PCDHGA4: variants seen among roughly 807,000 people sequenced by gnomAD.
PCDHGA4 encodes protocadherin gamma-A4.
PCDHGA4 carries 38 observed loss-of-function variants against 54.6 expected under a neutral mutation model. That is an observed-to-expected ratio of 0.70 (90% CI 0.54 to 0.91). The LOEUF is 0.91. Among genes scored for constraint, PCDHGA4 ranks in the 40% least tolerant of loss-of-function variants. The pLI, the probability that PCDHGA4 is intolerant of heterozygous loss-of-function variation, is 0.00. For synonymous variants in PCDHGA4, 511 were observed against 512.9 expected, an observed-to-expected ratio of 1.00 and a Z score of 0.05; for missense variants, 1,298 against 1,220.9, an observed-to-expected ratio of 1.06 and a Z score of -0.94.
chr5:141,504,242 GTTC>G (rs903218038), intron 2 of PCDHGA4, among the ~76,000 whole-genome samples: 25 of 152,170 alleles, frequency 1.6e-4, no homozygotes, highest in African/African-American at 5.1e-4. Context: ...GAAGCAGAGA[GTTC>G]TTCTTATGGT....
At chr5:141,400,036 C>G (rs1232257433) in intron 1 of PCDHGA4, 28 of 1,613,256 alleles carry the variant, frequency 1.7e-5, no homozygotes, top group Non-Finnish European at 2.4e-5. Context: ...GGCCCGCCAG[C>G]GCCTGCTGGT....
rs778246278 is a variant in PCDHGA4 at position 141,491,522 on chromosome 5, A to C, written c.2515-3285A>C. The C allele has an allele frequency of 6.2e-6, 10 of 1,614,024 alleles. No individual in the cohort carries two copies. The highest frequency in any genetic ancestry group is 8.5e-6 in the Non-Finnish European group (10 of 1,180,002). ...TCGGACGGCACGCTCAAGTACATGGAGGTGACGCTGCGGCCCACAGACTCG... is the reference window on the plus strand; with the variant it reads ...TCGGACGGCACGCTCAAGTACATGGCGGTGACGCTGCGGCCCACAGACTCG... On this transcript the variant is annotated intron_variant, in intron 1 of 3. Coordinates refer to ENST00000571252, the MANE Select transcript of PCDHGA4 (RefSeq NM_018917.4). The surrounding 1 kb of genome is among the most constrained non-coding windows in gnomAD (Gnocchi z 6.9).
At chr5:141,364,036 G>A (rs868127549) in intron 1 of PCDHGA4, among the ~76,000 whole-genome samples, 16 of 152,152 alleles carry the variant, frequency 1.1e-4, no homozygotes, top group African/African-American at 2.9e-4. Context: ...TAAGGATATG[G>A]CAACATTATT....
intron 1 of PCDHGA4, among the ~76,000 whole-genome samples, chr5:141,373,593 T>G (rs1769715791): frequency 6.6e-6 from 1 of 152,258 alleles, no homozygotes; most frequent in African/African-American, 2.4e-5. Flanking sequence ...TGAAATGTGA[T>G]GATAATTCAA....
chr5:141,497,540 CTTT>C (rs754207034), intron 2 of PCDHGA4, among the ~76,000 whole-genome samples: 11 of 134,886 alleles, frequency 8.2e-5, no homozygotes, highest in African/African-American at 1.9e-4. Context: ...TGCAACAAAC[CTTT>C]TTTTTTTTTT....
In PCDHGA4 at chr5:141,489,203, C is replaced by A; in HGVS notation, c.2515-5604C>A. On this transcript the variant is annotated intron_variant, in intron 1 of 3. Transcript: ENST00000571252. The surrounding 1 kb of genome is among the most constrained non-coding windows in gnomAD (Gnocchi z 4.5). ...CCCTGGGTCTACCTTGGAGACAGGA[C>A]AGCACAGACTTACTCTCCACAAAGG... is the stretch of plus-strand genomic sequence containing the variant. 7.1e-7 allele frequency: 1 copy of A among 1,414,834 alleles called. No individual in the cohort carries two copies. Among genetic ancestry groups the A allele is most frequent in the Non-Finnish European group, 9.6e-7 (1 of 1,040,052 alleles). The allele number at this position is 1,414,834 out of a possible 1,614,324, so 87.6% of individuals were successfully genotyped here.
At chr5:141,436,829 G>C (rs1194891483) in intron 1 of PCDHGA4, among the ~76,000 whole-genome samples, 3 of 152,214 alleles carry the variant, frequency 2.0e-5, no homozygotes, top group African/African-American at 7.2e-5. Flanking sequence ...AAAATCTTAA[G>C]TGCCTAGGCA....
intron 1 of PCDHGA4, among the ~76,000 whole-genome samples, chr5:141,381,395 C>T (rs1588899901): frequency 6.6e-6 from 1 of 152,328 alleles, no homozygotes; most frequent in South Asian, 2.1e-4. Flanking sequence ...TAGTTTTACT[C>T]TATCAACATC....
At chr5:141,362,729 T>G in intron 1 of PCDHGA4, 1 of 807,602 alleles carries the variant, frequency 1.2e-6, no homozygotes, top group Non-Finnish European at 1.9e-6. Context: ...AAGTGTGAGA[T>G]TTATTTACCC....
At position 141,433,290 on chromosome 5, in the gene PCDHGA4, C is replaced by T. The variant is rs186668064; in HGVS notation, c.2515-61517C>T. ...CTCACTGCAGCCTCAAACTCCTAGG[C>T]TCAAGCAATTATCCCACCTTTGCCT... On this transcript the variant is annotated intron_variant, in intron 1 of 3. Transcript: ENST00000571252. The T allele has an allele frequency of 1.6e-3, 1,738 of 1,107,746 alleles. 60 individuals carry two copies. In the Admixed American group the frequency reaches 0.041, roughly 26 times the overall value. 68.6% of individuals were successfully genotyped at this position (1,107,746 alleles called of 1,614,324 possible). A position where few individuals can be genotyped will look rare whatever the true frequency, so the allele number is the denominator to read the frequency against.
chr5:141,488,572 T>C (rs888054788), intron 1 of PCDHGA4, among the ~76,000 whole-genome samples: 28 of 152,212 alleles, frequency 1.8e-4, no homozygotes, highest in African/African-American at 6.8e-4. Flanking sequence ...CCGCAAAGCA[T>C]TGCTGGAGAG....
chr5:141,508,800 C>A (rs973992018), intron 3 of PCDHGA4, among the ~76,000 whole-genome samples: 1 of 152,086 alleles, frequency 6.6e-6, no homozygotes, highest in African/African-American at 2.4e-5. Context: ...CTCTGGAATC[C>A]TGGCTCTTTG....
chr5:141,388,458 C>T, intron 1 of PCDHGA4: 1 of 1,613,696 alleles, frequency 6.2e-7, no homozygotes, highest in Non-Finnish European at 8.5e-7. Context: ...CAGTAAATAC[C>T]CTGAGATGGT....
chr5:141,404,167 G>C, intron 1 of PCDHGA4: 1 of 1,612,946 alleles, frequency 6.2e-7, no homozygotes, highest in South Asian at 1.1e-5. Context: ...ACAGATTGTT[G>C]ACGGCCCAAA....
chr5:141,492,005 C>T (rs1444993907), intron 1 of PCDHGA4: 2 of 642,268 alleles, frequency 3.1e-6, no homozygotes, highest in Admixed American at 7.4e-5. Flanking sequence ...GGGCGATTTC[C>T]GCGGGTGTCG....
chr5:141,377,400 G>A (rs1463331041), intron 1 of PCDHGA4: 1 of 152,108 alleles, frequency 6.6e-6, no homozygotes, highest in Non-Finnish European at 1.5e-5. Context: ...GAGACCAGGA[G>A]TTTGAGACCA....
At chr5:141,510,155 C>G (rs1044168112) in intron 3 of PCDHGA4, among the ~76,000 whole-genome samples, 2 of 151,942 alleles carry the variant, frequency 1.3e-5, no homozygotes, top group African/African-American at 4.8e-5. Context: ...CACCTGTAAT[C>G]TCAGCTACTC....
At chr5:141,388,365 G>A (rs2091332064) in intron 1 of PCDHGA4, 1 of 1,614,002 alleles carries the variant, frequency 6.2e-7, no homozygotes, top group East Asian at 2.2e-5. Flanking sequence ...CCATGATGCG[G>A]ATATTGGTAG....
chr5:141,432,589 G>T lies in PCDHGA4; in HGVS notation c.2515-62218G>T. ...CCTGGCTGTCCTACCGTCTGCTCAA[G>T]GCCAGCGAGCCGGGACTCTTCTCGG... On this transcript the variant is annotated intron_variant, in intron 1 of 3. Transcript: ENST00000571252. The surrounding 1 kb of genome is among the most constrained non-coding windows in gnomAD (Gnocchi z 6.0). 1 of 1,613,916 alleles carries T rather than the reference G, an allele frequency of 6.2e-7. No individual in the cohort carries two copies. Among genetic ancestry groups the T allele is most frequent in the Non-Finnish European group, 8.5e-7 (1 of 1,179,974 alleles).
Sources: allele counts gnomAD v4.1 joint callset (sites outside exome capture counted in the v4.1 genomes callset), GRCh38; gene constraint gnomAD v4.1.1; non-coding constraint Gnocchi (gnomAD v3.1); transcripts MANE v1.5; gene names NCBI Gene and HGNC (gene_info 2026-07-23, HGNC 2026-07-21).